Variants in EEFSEC observed in about 807,000 individuals in gnomAD.
EEFSEC encodes selenocysteine-specific elongation factor.
In EEFSEC, 43 loss-of-function variants were observed where a neutral mutation model predicts 42.1. That is an observed-to-expected ratio of 1.02 (90% confidence interval 0.80 to 1.32). The LOEUF is 1.32. Ranked by LOEUF, EEFSEC falls within the 40% of genes most tolerant of loss-of-function variation. The pLI, the probability that EEFSEC is intolerant of heterozygous loss-of-function variation, is 0.00. For missense variants in EEFSEC, 745 were observed against 803.6 expected, an observed-to-expected ratio of 0.93 and a Z score of 0.88; for synonymous variants, 354 against 339.1, an observed-to-expected ratio of 1.04 and a Z score of -0.48.
Position 128,254,779 on chromosome 3 carries a change from G to T in EEFSEC, c.525-7349G>T, listed in dbSNP as rs141987090. ...AGGACAGTCACAGAGTCCTGAGAGT[G>T]GGGAGGGGAGAGGGCCAGCACCTCA... On this transcript the variant is annotated intron_variant, in intron 2 of 6. Transcript: ENST00000254730. Among the ~76,000 whole-genome samples, 155 of 152,262 alleles carry T rather than the reference G, an allele frequency of 1.0e-3. No homozygotes were observed. The South Asian group carries it at 0.015, about 15-fold the overall frequency.
intron 6 of EEFSEC, among the ~76,000 whole-genome samples, chr3:128,376,388 G>A (rs2067710362): frequency 6.6e-6 from 1 of 152,208 alleles, no homozygotes; most frequent in Admixed American, 6.5e-5. Context: ...AACCTGCACA[G>A]CCACAGCCCT....
chr3:128,377,345 C>G (rs911749789), intron 6 of EEFSEC, among the ~76,000 whole-genome samples: 1 of 152,138 alleles, frequency 6.6e-6, no homozygotes, highest in Non-Finnish European at 1.5e-5. Flanking sequence ...CGGGCTCAGA[C>G]AGAGCTTGGT....
At chr3:128,386,885 C>T (rs1010787) in intron 6 of EEFSEC, among the ~76,000 whole-genome samples, 2 of 152,218 alleles carry the variant, frequency 1.3e-5, no homozygotes, top group African/African-American at 4.8e-5. Flanking sequence ...GATCTAACAC[C>T]TCCCCCGAGG....
intron 1 of EEFSEC, among the ~76,000 whole-genome samples, chr3:128,190,046 A>G (rs926476038): frequency 1.3e-5 from 2 of 152,056 alleles, no homozygotes; most frequent in African/African-American, 4.8e-5. Context: ...GTATTTTAGT[A>G]GAGACGGGGT....
In EEFSEC at chr3:128,158,499, A is replaced by C. The variant is rs187937102; in HGVS notation, c.316+4676A>C. ...TCATTAGATTGCCACAGTCACCCCA[A>C]CCTTCATCAACCACCACCCTGATCA... On this transcript the variant is annotated intron_variant, in intron 1 of 6. Transcript: ENST00000254730. Among the ~76,000 whole-genome samples, 10 of 152,284 alleles carry C rather than the reference A, an allele frequency of 6.6e-5. No individual in the cohort carries two copies. The South Asian group carries it at 2.1e-3, about 32-fold the overall frequency.
In EEFSEC at chr3:128,156,449, G is replaced by A. The variant is rs926382498; in HGVS notation, c.316+2626G>A. Among the ~76,000 whole-genome samples the A allele has an allele frequency of 3.3e-5, 5 of 152,232 alleles. No individual in the cohort carries two copies. The South Asian group carries it at 6.2e-4, about 19-fold the overall frequency. The stretch of plus-strand genomic sequence containing the variant: ...GTTCCCTCATCCGCTTCCAACATAC[G>A]TGCATACCTCATGTTATTGTGCTTC... On this transcript the variant is annotated intron_variant, in intron 1 of 6. Coordinates refer to ENST00000254730, the MANE Select transcript of EEFSEC (RefSeq NM_021937.5).
intron 6 of EEFSEC, among the ~76,000 whole-genome samples, chr3:128,387,773 GC>G (rs1235047474): frequency 6.6e-6 from 1 of 152,076 alleles, no homozygotes; most frequent in East Asian, 1.9e-4. Flanking sequence ...ATGGAGTCCT[GC>G]GCGCATATGG....
intron 1 of EEFSEC, among the ~76,000 whole-genome samples, chr3:128,188,362 T>C (rs1441385210): frequency 6.6e-6 from 1 of 152,160 alleles, no homozygotes. Context: ...GCAGGCAGGC[T>C]GAGGGGGTGG....
intron 4 of EEFSEC, among the ~76,000 whole-genome samples, chr3:128,296,791 A>G (rs1173515550): frequency 6.6e-6 from 1 of 152,244 alleles, no homozygotes; most frequent in Non-Finnish European, 1.5e-5. Context: ...GATTTGTCCC[A>G]GTTGGCATAG....
chr3:128,251,685 A>G (rs2066188648), intron 2 of EEFSEC, among the ~76,000 whole-genome samples: 1 of 152,164 alleles, frequency 6.6e-6, no homozygotes, highest in African/African-American at 2.4e-5. Flanking sequence ...TAATATTAGT[A>G]AAGATATTGC....
the EEFSEC span, among the ~76,000 whole-genome samples, chr3:128,425,425 T>C: frequency 7.9e-5 from 12 of 152,180 alleles, no homozygotes; most frequent in East Asian, 7.8e-4. Flanking sequence ...TCGGGCTGCT[T>C]CCAGTTTGGG....
At chr3:128,194,440 T>C (rs1403511683) in intron 1 of EEFSEC, among the ~76,000 whole-genome samples, 1 of 152,194 alleles carries the variant, frequency 6.6e-6, no homozygotes, top group African/African-American at 2.4e-5. Flanking sequence ...GATGGTTGTT[T>C]TAACAATAAG....
chr3:128,289,048 G>A (rs1325599810), intron 4 of EEFSEC, among the ~76,000 whole-genome samples: 2 of 152,168 alleles, frequency 1.3e-5, no homozygotes, highest in South Asian at 2.1e-4. Flanking sequence ...GGAGCTACAG[G>A]GATATGTACC....
intron 4 of EEFSEC, among the ~76,000 whole-genome samples, chr3:128,319,004 G>T (rs1255546544): frequency 6.6e-6 from 1 of 152,212 alleles, no homozygotes; most frequent in African/African-American, 2.4e-5. Context: ...CTGAATCTAG[G>T]TTCAGACAGG....
chr3:128,154,249 A>G (rs1253024617), intron 1 of EEFSEC, among the ~76,000 whole-genome samples: 6 of 151,982 alleles, frequency 3.9e-5, no homozygotes, highest in African/African-American at 1.5e-4. Context: ...CAGTTTTTGT[A>G]TATCATTTCA....
downstream of EEFSEC, among the ~76,000 whole-genome samples, chr3:128,409,211 A>G (rs147757756): frequency 3.2e-4 from 48 of 152,366 alleles, no homozygotes; most frequent in African/African-American, 1.1e-3. Flanking sequence ...CAGATGTTCA[A>G]ACGTTCCTTT....
At chr3:128,266,360 T>C (rs2066353712) in intron 4 of EEFSEC, among the ~76,000 whole-genome samples, 1 of 152,024 alleles carries the variant, frequency 6.6e-6, no homozygotes, top group Admixed American at 6.5e-5. Context: ...GGCACCCATG[T>C]CTTGCGTGTG....
intron 1 of EEFSEC, among the ~76,000 whole-genome samples, chr3:128,238,038 G>A (rs1223315694): frequency 6.6e-6 from 1 of 152,198 alleles, no homozygotes; most frequent in Non-Finnish European, 1.5e-5. Flanking sequence ...CTTGGTACTA[G>A]CGCTGCCTCT....
chr3:128,261,202 G>A (rs2066293492), intron 2 of EEFSEC, among the ~76,000 whole-genome samples: 1 of 152,220 alleles, frequency 6.6e-6, no homozygotes, highest in Non-Finnish European at 1.5e-5. Context: ...GGGTTCAAAT[G>A]TGGCTCTAAG....
Sources: allele counts gnomAD v4.1 joint callset (sites outside exome capture counted in the v4.1 genomes callset), GRCh38; gene constraint gnomAD v4.1.1; transcripts MANE v1.5; gene names NCBI Gene and HGNC (gene_info 2026-07-23, HGNC 2026-07-21).